SCN8A: variants seen among roughly 807,000 people sequenced by gnomAD.
The protein encoded by SCN8A is sodium channel protein type 8 subunit alpha.
SCN8A carries 30 observed loss-of-function variants against 184.1 expected under a neutral mutation model. The observed-to-expected ratio is 0.16, with a 90% CI of 0.12 to 0.22. SCN8A has a LOEUF of 0.22. SCN8A is among the 10% of genes least tolerant of loss of function. SCN8A has a pLI of 1.00. For missense variants in SCN8A, 1,057 were observed against 2,498.9 expected, an observed-to-expected ratio of 0.42 and a Z score of 12.30; for synonymous variants, 852 against 907.0, an observed-to-expected ratio of 0.94 and a Z score of 1.09.
At chr12:51,677,419 C>A (rs1941241366) in intron 2 of SCN8A, among the ~76,000 whole-genome samples, 1 of 151,740 alleles carries the variant, frequency 6.6e-6, no homozygotes, top group African/African-American at 2.4e-5. Flanking sequence ...TTTTGTGTGG[C>A]TAAAAAAATT....
At chr12:51,758,982 ATATGTGTG>A (rs1942722776) in intron 14 of SCN8A, among the ~76,000 whole-genome samples, 1 of 137,344 alleles carries the variant, frequency 7.3e-6, no homozygotes, top group South Asian at 2.3e-4. Flanking sequence ...GTATGTATGT[ATATGTGTG>A]TGTGTGTGTG....
chr12:51,723,673 C>T (rs1223209877), intron 12 of SCN8A, among the ~76,000 whole-genome samples: 1 of 152,002 alleles, frequency 6.6e-6, no homozygotes, highest in Non-Finnish European at 1.5e-5. Flanking sequence ...GCCAGGAGTT[C>T]GAGACAAGCC....
chr12:51,724,956 C>A (rs1180394219), intron 12 of SCN8A, among the ~76,000 whole-genome samples: 1 of 152,106 alleles, frequency 6.6e-6, no homozygotes, highest in Admixed American at 6.5e-5. Context: ...TACTGCTTTA[C>A]ACTGTGGTCT....
At chr12:51,634,193 G>A (rs1940262431) in intron 1 of SCN8A, among the ~76,000 whole-genome samples, 1 of 152,166 alleles carries the variant, frequency 6.6e-6, no homozygotes, top group Non-Finnish European at 1.5e-5. Context: ...GCAAATTTCA[G>A]GATATGATCA....
intron 12 of SCN8A, among the ~76,000 whole-genome samples, chr12:51,729,555 A>G (rs1490823616): frequency 1.3e-5 from 2 of 152,212 alleles, no homozygotes; most frequent in Non-Finnish European, 2.9e-5. Flanking sequence ...CAATTTGTTT[A>G]TTCATTCTCC....
intron 14 of SCN8A, among the ~76,000 whole-genome samples, chr12:51,762,055 G>A (rs1351739664): frequency 2.0e-5 from 3 of 152,090 alleles, no homozygotes; most frequent in Non-Finnish European, 4.4e-5. Context: ...TACACCTTGT[G>A]GCAAATGTCT....
chr12:51,791,130 TG>T (rs1407190368), intron 25 of SCN8A, among the ~76,000 whole-genome samples: 1 of 152,192 alleles, frequency 6.6e-6, no homozygotes, highest in Non-Finnish European at 1.5e-5. Context: ...TCCGGTTGGA[TG>T]GGACATCACC....
intron 1 of SCN8A, among the ~76,000 whole-genome samples, chr12:51,645,900 T>C (rs1430248338): frequency 2.7e-5 from 4 of 146,282 alleles, no homozygotes; most frequent in African/African-American, 1.0e-4. Flanking sequence ...ACTATTGTCC[T>C]GTGACCCTGC....
chr12:51,607,974 G>A (rs1452106211), intron 1 of SCN8A, among the ~76,000 whole-genome samples: 1 of 150,626 alleles, frequency 6.6e-6, no homozygotes, highest in Non-Finnish European at 1.5e-5. Context: ...TTCTTTCTCT[G>A]TCTTGAGGAA....
intron 2 of SCN8A, among the ~76,000 whole-genome samples, chr12:51,678,993 A>G (rs1452968877): frequency 2.6e-5 from 4 of 151,760 alleles, no homozygotes; most frequent in Non-Finnish European, 5.9e-5. Context: ...GGAGAATGGC[A>G]TGAACCCAGG....
chr12:51,774,088 A>G, intron 19 of SCN8A, 101 bp from the exon 20 acceptor site: 2 of 967,132 alleles, frequency 2.1e-6, no homozygotes, highest in African/African-American at 1.6e-5. Flanking sequence ...GGAGCTGATG[A>G]CAGGCCAGCC....
intron 1 of SCN8A, among the ~76,000 whole-genome samples, chr12:51,592,613 G>A (rs1366762688): frequency 1.3e-5 from 2 of 151,856 alleles, no homozygotes; most frequent in Non-Finnish European, 2.9e-5. Context: ...AAAGTCAGGG[G>A]GAGGGAGAAA....
intron 1 of SCN8A, among the ~76,000 whole-genome samples, chr12:51,621,194 G>A (rs761128634): frequency 2.8e-4 from 42 of 152,180 alleles, no homozygotes; most frequent in Non-Finnish European, 5.1e-4. Context: ...GTGCTATATC[G>A]TTTGCTTTTT....
intron 21 of SCN8A, among the ~76,000 whole-genome samples, chr12:51,783,147 G>A (rs1368881848): frequency 6.6e-6 from 1 of 152,184 alleles, no homozygotes; most frequent in African/African-American, 2.4e-5. Context: ...GGTGAAAAGG[G>A]ATCAGGGATC....
intron 12 of SCN8A, 21 bp from the exon 13 acceptor site, chr12:51,745,882 T>G: frequency 6.4e-7 from 1 of 1,551,632 alleles, no homozygotes; most frequent in South Asian, 1.2e-5. Flanking sequence ...TCTATTTGCT[T>G]TTCTTTTTTT....
chr12:51,757,213 C>G (rs563483342), intron 14 of SCN8A, among the ~76,000 whole-genome samples: 2 of 152,314 alleles, frequency 1.3e-5, no homozygotes, highest in South Asian at 4.1e-4. Context: ...ACTGGAGATG[C>G]AGGATGCAGG....
At position 51,811,292 on chromosome 12, in the gene SCN8A, C is replaced by CG. The variant is rs1454329328; in HGVS notation, c.*3863_*3864insG. 2.7e-5 allele frequency: 4 copies of CG among 150,646 alleles called. No individual in the cohort carries two copies. The highest frequency in any genetic ancestry group is 1.0e-4 in the African/African-American group (4 of 40,056). 9.3% of individuals were successfully genotyped at this position (150,646 alleles called of 1,614,324 possible). A position where few individuals can be genotyped will look rare whatever the true frequency, so the allele number is the denominator to read the frequency against. On this transcript the variant is annotated 3_prime_UTR_variant, in exon 27 of 27. Transcript: ENST00000627620. ...GAAGAAAAGCAAGGTCCTGACCCCC[C>CG]CCAGATCCCCACTCACCCATTGCAT...
At chr12:51,642,949 C>T (rs1940488140) in intron 1 of SCN8A, among the ~76,000 whole-genome samples, 1 of 152,120 alleles carries the variant, frequency 6.6e-6, no homozygotes, top group Non-Finnish European at 1.5e-5. Context: ...ACAAGCCTGA[C>T]ATGGCCTTTG....
At chr12:51,648,429 T>A (rs1174806353) in intron 1 of SCN8A, among the ~76,000 whole-genome samples, 1 of 152,150 alleles carries the variant, frequency 6.6e-6, no homozygotes, top group Non-Finnish European at 1.5e-5. Context: ...TAAGCCACTT[T>A]CTCTATTCTT....
Sources: allele counts gnomAD v4.1 joint callset (sites outside exome capture counted in the v4.1 genomes callset), GRCh38; gene constraint gnomAD v4.1.1; transcripts MANE v1.5; gene names NCBI Gene and HGNC (gene_info 2026-07-23, HGNC 2026-07-21).